LSAMP: variants seen among roughly 807,000 people sequenced by gnomAD.
The protein encoded by LSAMP is limbic system-associated membrane protein.
LSAMP carries 7 observed loss-of-function variants against 38.6 expected under a neutral mutation model. That is an observed-to-expected ratio of 0.18 (90% confidence interval 0.10 to 0.34). The LOEUF (loss-of-function observed/expected upper bound fraction) is 0.34. Ranked by LOEUF, LSAMP falls within the 10% of genes least tolerant of loss-of-function variation. The pLI is 1.00. For missense variants in LSAMP, 313 were observed against 420.0 expected, an observed-to-expected ratio of 0.75 and a Z score of 2.23; for synonymous variants, 154 against 166.8, an observed-to-expected ratio of 0.92 and a Z score of 0.59.
intron 3 of LSAMP, among the ~76,000 whole-genome samples, chr3:116,016,623 T>C (rs539099625): frequency 6.6e-6 from 1 of 152,276 alleles, no homozygotes; most frequent in East Asian, 1.9e-4. Flanking sequence ...ATATTTTACA[T>C]TTGTGGGCCA....
chr3:116,390,106 A>G (rs1418814096), intron 1 of LSAMP, among the ~76,000 whole-genome samples: 1 of 149,766 alleles, frequency 6.7e-6, no homozygotes, highest in Non-Finnish European at 1.5e-5. Context: ...TATCTTCTAT[A>G]CTTAAATTAT....
chr3:116,234,918 T>C (rs1489310980), intron 1 of LSAMP, among the ~76,000 whole-genome samples: 1 of 152,158 alleles, frequency 6.6e-6, no homozygotes, highest in Non-Finnish European at 1.5e-5. Flanking sequence ...TCTTCAAAAT[T>C]GATAGCTCAT....
At chr3:116,284,797 T>G (rs1424236649) in intron 1 of LSAMP, among the ~76,000 whole-genome samples, 1 of 152,136 alleles carries the variant, frequency 6.6e-6, no homozygotes, top group Non-Finnish European at 1.5e-5. Flanking sequence ...AAATGACCAA[T>G]TCCATCTGAA....
intron 1 of LSAMP, among the ~76,000 whole-genome samples, chr3:116,180,885 A>G (rs1003942613): frequency 6.6e-6 from 1 of 152,128 alleles, no homozygotes; most frequent in Non-Finnish European, 1.5e-5. Context: ...AGATGGTTGT[A>G]TCCTTAACAT....
chr3:115,820,916 T>C (rs187535898), intron 6 of LSAMP, among the ~76,000 whole-genome samples: 486 of 152,254 alleles, frequency 3.2e-3, no homozygotes, highest in Non-Finnish European at 4.7e-3. Context: ...GGCCAGGAGG[T>C]CCTTGCCTTA....
chr3:116,185,028 T>G (rs1710578654), intron 1 of LSAMP, among the ~76,000 whole-genome samples: 1 of 140,950 alleles, frequency 7.1e-6, no homozygotes, highest in South Asian at 2.2e-4. Context: ...CTTTCTTTCT[T>G]TCTTTTTTTT....
intron 3 of LSAMP, among the ~76,000 whole-genome samples, chr3:115,951,225 TAACC>T (rs1279761903): frequency 6.6e-6 from 1 of 152,140 alleles, no homozygotes; most frequent in Non-Finnish European, 1.5e-5. Flanking sequence ...AAAGAGTTCA[TAACC>T]AACACTACAA....
chr3:115,982,229 T>C (rs552175875), intron 3 of LSAMP, among the ~76,000 whole-genome samples: 1 of 152,262 alleles, frequency 6.6e-6, no homozygotes, highest in Non-Finnish European at 1.5e-5. Flanking sequence ...TGGTGGATGT[T>C]TGAGACTGAA....
chr3:115,979,185 C>A (rs1049948062), intron 3 of LSAMP, among the ~76,000 whole-genome samples: 2 of 150,376 alleles, frequency 1.3e-5, no homozygotes, highest in Admixed American at 1.3e-4. Context: ...GGAAGAAGAG[C>A]AAAGAGGGGA....
chr3:116,176,329 A>G (rs1189479301), intron 1 of LSAMP, among the ~76,000 whole-genome samples: 1 of 152,134 alleles, frequency 6.6e-6, no homozygotes, highest in African/African-American at 2.4e-5. Flanking sequence ...ATAAAAGGGA[A>G]ATTTTAAGTA....
intron 1 of LSAMP, among the ~76,000 whole-genome samples, chr3:116,233,412 C>CAAAAAAA (rs3028677): frequency 2.9e-5 from 2 of 70,034 alleles, no homozygotes; most frequent in Admixed American, 2.2e-4. Context: ...GACTCTGTCT[C>CAAAAAAA]AAAAAAAAAA....
At chr3:116,325,284 G>T (rs1326511956) in intron 1 of LSAMP, among the ~76,000 whole-genome samples, 1 of 151,906 alleles carries the variant, frequency 6.6e-6, no homozygotes, top group African/African-American at 2.4e-5. Flanking sequence ...GGAACTACAG[G>T]TGTATACCAC....
At chr3:115,833,176 A>G (rs1165133777) in intron 6 of LSAMP, among the ~76,000 whole-genome samples, 1 of 152,136 alleles carries the variant, frequency 6.6e-6, no homozygotes, top group East Asian at 1.9e-4. Flanking sequence ...TGATAAAGTG[A>G]TGTCAATCTC....
chr3:116,328,406 C>CAT (rs1403353215), intron 1 of LSAMP, among the ~76,000 whole-genome samples: 1 of 152,132 alleles, frequency 6.6e-6, no homozygotes, highest in Non-Finnish European at 1.5e-5. Flanking sequence ...TGTGTTTACA[C>CAT]ATATATATTC....
In LSAMP at chr3:115,808,084, TCC is replaced by T. The variant is rs1472823368; in HGVS notation, c.*2231_*2232del. 1.3e-5 allele frequency: 1 copy of T among 79,454 alleles called. No homozygotes were observed. Among genetic ancestry groups the T allele is most frequent in the Non-Finnish European group, 2.5e-5 (1 of 40,656 alleles). 4.9% of individuals were successfully genotyped at this position (79,454 alleles called of 1,614,324 possible). ...CTCCCTCCTGCCTTCCTTTCCTTTCTCCTTCCTTCCTTCCTTCCTTCCTTCCT... is the reference window on the plus strand; with the variant it reads ...CTCCCTCCTGCCTTCCTTTCCTTTCTTTCCTTCCTTCCTTCCTTCCTTCCT... On this transcript the variant is annotated 3_prime_UTR_variant, in exon 7 of 7. Coordinates refer to ENST00000490035, the MANE Select transcript of LSAMP (RefSeq NM_002338.5).
intron 1 of LSAMP, among the ~76,000 whole-genome samples, chr3:116,373,071 T>C (rs147166356): frequency 2.3e-3 from 356 of 151,732 alleles, no homozygotes; most frequent in Middle Eastern, 0.01. Flanking sequence ...CACTTCTAAG[T>C]ATATTCAAAA....
At position 115,841,918 on chromosome 3, in the gene LSAMP, C is replaced by T. The variant is rs1270540581; in HGVS notation, c.846G>A (p.Glu282=). The change falls in exon 6 of 7, where the codon GAG becomes GAA. Residue 282 remains glutamate (E), a synonymous_variant. Coordinates refer to ENST00000490035, the MANE Select transcript of LSAMP (RefSeq NM_002338.5). ...QSSLTVTNVT[E]EHYGNYTCVA... is the part of the protein sequence containing the mutation. ...CACAGGTGTAGTTGCCGTAGTGCTC[C>T]TCAGTGACGTTGGTCACCGTCAGGG... 6.2e-7 allele frequency: 1 copy of T among 1,614,002 alleles called. No homozygotes were observed.
intron 1 of LSAMP, among the ~76,000 whole-genome samples, chr3:116,210,378 A>T (rs966040124): frequency 1.3e-5 from 2 of 152,184 alleles, no homozygotes; most frequent in South Asian, 2.1e-4. Flanking sequence ...AGCAGTCAGG[A>T]GAAGGTGGAA....
At chr3:115,878,945 C>T (rs1936255975) in intron 3 of LSAMP, among the ~76,000 whole-genome samples, 1 of 152,098 alleles carries the variant, frequency 6.6e-6, no homozygotes, top group African/African-American at 2.4e-5. Flanking sequence ...ACTGATGCTT[C>T]TGAAGCCTTG....
Sources: gnomAD v4.1 joint callset for allele counts (sites outside exome capture counted in the v4.1 genomes callset) on GRCh38, gnomAD v4.1.1 for gene constraint, MANE v1.5 for transcripts, NCBI Gene and HGNC (gene_info 2026-07-23, HGNC 2026-07-21) for gene names.